Variants in SPECC1 observed in about 807,000 individuals in gnomAD.
SPECC1 encodes the protein sperm antigen with calponin homology and coiled-coil domains 1.
A neutral mutation model predicts 104.1 loss-of-function variants in SPECC1; 62 were observed. That is an observed-to-expected ratio of 0.60 (90% CI 0.49 to 0.74). SPECC1 has a LOEUF of 0.74. Among genes scored for constraint, SPECC1 ranks in the 30% least tolerant of loss-of-function variants. The pLI, the probability that SPECC1 is intolerant of heterozygous loss-of-function variation, is 0.00. For missense variants in SPECC1, 1,306 were observed against 1,310.5 expected (o/e 1.00, Z 0.05); for synonymous variants, 513 against 501.6 (o/e 1.02, Z -0.30).
chr17:20,250,211 G>A (rs771898387), intron 9 of SPECC1, among the ~76,000 whole-genome samples: 9 of 152,182 alleles, frequency 5.9e-5, no homozygotes, highest in Non-Finnish European at 1.3e-4. Context: ...TCAAAGTGCT[G>A]TACCTGGTGA....
chr17:20,194,956 C>T (rs1190024064), intron 3 of SPECC1, among the ~76,000 whole-genome samples: 1 of 152,072 alleles, frequency 6.6e-6, no homozygotes, highest in African/African-American at 2.4e-5. Flanking sequence ...CTGTTAAGAG[C>T]TATAATATAA....
At chr17:20,132,864 C>T (rs1025974569) in intron 3 of SPECC1, among the ~76,000 whole-genome samples, 6 of 151,738 alleles carry the variant, frequency 4.0e-5, no homozygotes, top group Admixed American at 1.3e-4. Context: ...CTCAGCCTCC[C>T]GAGTAGCTGG....
At chr17:20,016,494 T>C (rs1354654295) in intron 1 of SPECC1, among the ~76,000 whole-genome samples, 1 of 151,922 alleles carries the variant, frequency 6.6e-6, no homozygotes, top group East Asian at 1.9e-4. Context: ...ACCGGGGCTG[T>C]ACGCGGTGCT....
chr17:20,238,342 T>C, intron 7 of SPECC1: 3 of 1,039,546 alleles, frequency 2.9e-6, no homozygotes, highest in Non-Finnish European at 3.5e-6. Flanking sequence ...ATTTTAAACT[T>C]CTGGAAATAT....
intron 1 of SPECC1, among the ~76,000 whole-genome samples, chr17:20,048,839 C>G (rs1318637603): frequency 1.3e-5 from 2 of 151,864 alleles, no homozygotes; most frequent in Non-Finnish European, 2.9e-5. Flanking sequence ...CTGCAGTCAG[C>G]TGAGATCATA....
chr17:20,272,802 A>AT (rs1177478953), intron 12 of SPECC1, among the ~76,000 whole-genome samples: 1 of 152,122 alleles, frequency 6.6e-6, no homozygotes, highest in Non-Finnish European at 1.5e-5. Flanking sequence ...ATTCCCTGAA[A>AT]TTTTTTATAG....
At chr17:20,090,902 A>G (rs539914769) in intron 1 of SPECC1, among the ~76,000 whole-genome samples, 2 of 152,002 alleles carry the variant, frequency 1.3e-5, no homozygotes, top group South Asian at 2.1e-4. Flanking sequence ...CCTATTCCTT[A>G]TGGGTCTCCA....
At chr17:20,233,443 C>T (rs547742867) in intron 7 of SPECC1, among the ~76,000 whole-genome samples, 26 of 152,150 alleles carry the variant, frequency 1.7e-4, no homozygotes, top group Non-Finnish European at 2.6e-4. Context: ...TTGTTTATAA[C>T]TTTTACATAA....
intron 1 of SPECC1, among the ~76,000 whole-genome samples, chr17:20,089,588 A>T (rs772510636): frequency 7.9e-5 from 12 of 152,184 alleles, no homozygotes; most frequent in South Asian, 2.1e-4. Flanking sequence ...ATTATGCCAC[A>T]GCACTCCAGC....
intron 1 of SPECC1, among the ~76,000 whole-genome samples, chr17:20,090,686 A>G (rs1401153821): frequency 6.6e-6 from 1 of 151,736 alleles, no homozygotes; most frequent in Non-Finnish European, 1.5e-5. Context: ...GCCATGTTAC[A>G]GGTAAGGGAA....
Position 20,247,523 on chromosome 17 carries a change from C to T in SPECC1, c.2598+204C>T, listed in dbSNP as rs936879987. ...CTTCATGAGGTCAGATATTTTTGTT[C>T]ATTTTGCTTGCTGTTTTATCTCTTG... On this transcript the variant is annotated intron_variant, in intron 9 of 14. Transcript: ENST00000395527. 6.6e-5 allele frequency among the ~76,000 whole-genome samples: 10 copies of T among 152,224 alleles called. No homozygotes were observed. In the South Asian group the frequency reaches 1.2e-3, roughly 19 times the overall value.
chr17:20,105,384 C>G (rs1299183522), intron 2 of SPECC1, among the ~76,000 whole-genome samples: 5 of 152,304 alleles, frequency 3.3e-5, no homozygotes, highest in Middle Eastern at 3.4e-3. Flanking sequence ...AATTGAGGAA[C>G]TGCAGCATCA....
intron 7 of SPECC1, chr17:20,236,903 G>C (rs1294351309): frequency 1.9e-6 from 3 of 1,613,626 alleles, no homozygotes; most frequent in Non-Finnish European, 2.5e-6. Context: ...GTGGAAGAAA[G>C]ACAGCCCAGC....
chr17:20,298,948 A>AGAGTGTGT, intron 13 of SPECC1, among the ~76,000 whole-genome samples: 55 of 49,072 alleles, frequency 1.1e-3, no homozygotes, highest in African/African-American at 5.1e-3. Context: ...AGAGAGAGAG[A>AGAGTGTGT]GTGTGTGTGT....
chr17:20,050,154 C>T (rs1052340289), intron 1 of SPECC1, among the ~76,000 whole-genome samples: 1 of 152,336 alleles, frequency 6.6e-6, no homozygotes, highest in South Asian at 2.1e-4. Flanking sequence ...TCCTCACCAA[C>T]ATGGCACATG....
At chr17:20,062,636 C>G (rs1282451240) in intron 1 of SPECC1, among the ~76,000 whole-genome samples, 2 of 152,044 alleles carry the variant, frequency 1.3e-5, no homozygotes, top group African/African-American at 4.8e-5. Flanking sequence ...AAGTGCTTCC[C>G]CACTGGCATG....
chr17:20,173,783 A>T (rs148974806), intron 3 of SPECC1, among the ~76,000 whole-genome samples: 9 of 152,192 alleles, frequency 5.9e-5, no homozygotes, highest in African/African-American at 2.2e-4. Flanking sequence ...CATTTGCCTT[A>T]CAGTGTTTAA....
At chr17:20,255,536 GCCTTAAAGTTTTCTATTGTGTAGAGACA>G (rs1261556561) in intron 10 of SPECC1, among the ~76,000 whole-genome samples, 2 of 152,164 alleles carry the variant, frequency 1.3e-5, no homozygotes, top group African/African-American at 4.8e-5. Flanking sequence ...TGTTCCACTA[GCCTTAAAGTTTTCTATTGTGTAGAGACA>G]CCATTCTTTC....
In SPECC1 at chr17:20,316,117, A is replaced by G. The variant is rs1211665580; in HGVS notation, c.*2052A>G. ...AAATGAAACTCGACACATAGAACCAATTCAACCTGAAAGTTACTACTTCTG... is the reference window on the plus strand; with the variant it reads ...AAATGAAACTCGACACATAGAACCAGTTCAACCTGAAAGTTACTACTTCTG... On this transcript the variant is annotated 3_prime_UTR_variant, in exon 15 of 15. Transcript: ENST00000395527. 8.6e-6 allele frequency: 2 copies of G among 231,758 alleles called. No homozygotes were observed. The highest frequency in any genetic ancestry group is 4.4e-5 in the African/African-American group (2 of 45,272). 14.4% of individuals were successfully genotyped at this position (231,758 alleles called of 1,614,324 possible).
Sources: allele counts gnomAD v4.1 joint callset (sites outside exome capture counted in the v4.1 genomes callset), GRCh38; gene constraint gnomAD v4.1.1; transcripts MANE v1.5; gene names NCBI Gene and HGNC (gene_info 2026-07-23, HGNC 2026-07-21).